ADGRD2: variants seen among roughly 807,000 people sequenced by gnomAD.
The protein encoded by ADGRD2 is adhesion G protein-coupled receptor D2.
A neutral mutation model predicts 44.4 loss-of-function variants in ADGRD2; 71 were observed. The ratio of observed to expected loss-of-function variants is 1.60; its 90% CI spans 1.32 to 1.95. The LOEUF (loss-of-function observed/expected upper bound fraction) is 1.95. ADGRD2 is among the 30% of genes most tolerant of loss of function. ADGRD2 has a pLI of 0.00. For synonymous variants in ADGRD2, 481 were observed against 224.8 expected, an observed-to-expected ratio of 2.14 and a Z score of -10.19; for missense variants, 1,039 against 512.4, an observed-to-expected ratio of 2.03 and a Z score of -9.92.
chr9:124,452,484 C>G (rs765848382), intron 1 of ADGRD2, 26 bp from the exon 5 acceptor site: 1 of 718,328 alleles, frequency 1.4e-6, no homozygotes, highest in Non-Finnish European at 2.6e-6. Context: ...AAATGCACCC[C>G]CCACCGTCTC....
intron 11 of ADGRD2, chr9:124,467,311 AGCCTGGG>A (rs1481051589): frequency 1.3e-5 from 2 of 153,000 alleles, no homozygotes; most frequent in African/African-American, 2.5e-5. Flanking sequence ...CTTGCTCTCC[AGCCTGGG>A]TGACAGACTG....
At chr9:124,453,132 G>C in exon 3 of ADGRD2, 1 of 701,758 alleles carries the variant, frequency 1.4e-6, no homozygotes, top group Non-Finnish European at 2.6e-6. Flanking sequence ...CGCTGACCGC[G>C]TGTACTCACG....
chr9:124,457,465 C>T lies in ADGRD2; in HGVS notation c.1506-7C>T, dbSNP rs1408000441. On this transcript the variant is annotated splice_polypyrimidine_tract_variant and splice_region_variant and intron_variant, in intron 7 of 21. Coordinates refer to ENST00000334810, the Ensembl canonical transcript of ADGRD2. ...AGGTCCAGCCACCCAGCCCCATTTA[C>T]CCCCAGGCCTGGAGGTGCGGAGCTT... The T allele has an allele frequency of 6.6e-6, 4 of 603,528 alleles. No homozygotes were observed. Among genetic ancestry groups the T allele is most frequent in the East Asian group, 2.8e-5 (1 of 35,874 alleles). 37.4% of individuals were successfully genotyped at this position (603,528 alleles called of 1,614,324 possible). A position where few individuals can be genotyped will look rare whatever the true frequency, so the allele number is the denominator to read the frequency against.
chr9:124,472,697 G>A (rs756963192), intron 17 of ADGRD2, among the ~76,000 whole-genome samples: 2 of 152,004 alleles, frequency 1.3e-5, no homozygotes, highest in South Asian at 2.1e-4. Context: ...AGTGGAGACG[G>A]GGGTCTCACC....
intron 10 of ADGRD2, among the ~76,000 whole-genome samples, chr9:124,461,242 G>C (rs1314363565): frequency 6.6e-6 from 1 of 152,122 alleles, no homozygotes; most frequent in African/African-American, 2.4e-5. Flanking sequence ...CTAGTCTGTG[G>C]CTTGCTTTTT....
chr9:124,467,784 T>G (rs1375245287), exon 12 of ADGRD2: 2 of 718,552 alleles, frequency 2.8e-6, no homozygotes, highest in African/African-American at 3.5e-5. Context: ...CGTGTCCTTC[T>G]GCGCCCTCAC....
At chr9:124,458,963 CA>C (rs2131237343) in intron 10 of ADGRD2, among the ~76,000 whole-genome samples, 1 of 152,316 alleles carries the variant, frequency 6.6e-6, no homozygotes, top group East Asian at 1.9e-4. Flanking sequence ...GCACTTCATC[CA>C]AAGCTTGGGA....
At chr9:124,455,273 T>C (rs1359308405) in intron 6 of ADGRD2, 146 bp downstream of exon 9, 1 of 570,434 alleles carries the variant, frequency 1.8e-6, no homozygotes, top group Non-Finnish European at 3.1e-6. Flanking sequence ...TTTTGTCTAT[T>C]TGATAAGTTG....
In ADGRD2 at chr9:124,453,855, C is replaced by G. The variant is rs1204345698; in HGVS notation, c.924-144C>G. 23 of 596,834 alleles carry G rather than the reference C, an allele frequency of 3.9e-5. No individual in the cohort carries two copies. In the East Asian group the frequency reaches 6.3e-4, roughly 16 times the overall value. 37.0% of individuals were successfully genotyped at this position (596,834 alleles called of 1,614,324 possible). ...TCCCAGCAGCCTGGGGGTCTGCGCT[C>G]GTCCCCCGGCCCCCTTACCCCCACC... On this transcript the variant is annotated intron_variant, in intron 3 of 21. Transcript: ENST00000334810.
At chr9:124,471,788 G>A (rs1178488031) in intron 17 of ADGRD2, among the ~76,000 whole-genome samples, 1 of 152,238 alleles carries the variant, frequency 6.6e-6, no homozygotes, top group Non-Finnish European at 1.5e-5. Flanking sequence ...CCAGGCCGCA[G>A]CAGCAGAAGA....
At chr9:124,464,467 T>C (rs934774768) in intron 10 of ADGRD2, among the ~76,000 whole-genome samples, 10 of 152,188 alleles carry the variant, frequency 6.6e-5, no homozygotes, top group African/African-American at 2.4e-4. Flanking sequence ...TCATCTGAAA[T>C]TGCATGAATT....
intron 7 of ADGRD2, among the ~76,000 whole-genome samples, chr9:124,457,216 G>A (rs1002848364): frequency 6.6e-6 from 1 of 152,196 alleles, no homozygotes; most frequent in African/African-American, 2.4e-5. Context: ...TGTCCTTCGG[G>A]TACCCACCAG....
Position 124,454,227 on chromosome 9 carries a change from G to A in ADGRD2, c.1022+130G>A, listed in dbSNP as rs558396532. ...AAACTCAGAGCTTCAAGGTCTCCATGGAGTCTAGGCCACAGAGCAGTGGGT... is the reference window on the plus strand; with the variant it reads ...AAACTCAGAGCTTCAAGGTCTCCATAGAGTCTAGGCCACAGAGCAGTGGGT... On this transcript the variant is annotated intron_variant, in intron 4 of 21. Transcript: ENST00000334810. The surrounding 1 kb of genome is among the most constrained non-coding windows in gnomAD (Gnocchi z 4.5). 88 of 598,404 alleles carry A rather than the reference G, an allele frequency of 1.5e-4. 2 individuals are homozygous for A. Among genetic ancestry groups the A allele is most frequent in the South Asian group, 1.4e-3 (71 of 50,082 alleles). 37.1% of individuals were successfully genotyped at this position (598,404 alleles called of 1,614,324 possible).
intron 19 of ADGRD2, among the ~76,000 whole-genome samples, chr9:124,475,947 C>T (rs2131262995): frequency 6.6e-6 from 1 of 152,328 alleles, no homozygotes; most frequent in East Asian, 1.9e-4. Context: ...CTCTGCAGCC[C>T]TGCGGCTTGA....
chr9:124,474,929 C>G (rs1020019929), intron 17 of ADGRD2, among the ~76,000 whole-genome samples: 2 of 152,220 alleles, frequency 1.3e-5, no homozygotes, highest in African/African-American at 4.8e-5. Flanking sequence ...GAGTCCCTCA[C>G]AGGCAGCACC....
At chr9:124,452,058 G>A (rs368761339), upstream of ADGRD2, 215 of 707,652 alleles carry the variant, frequency 3.0e-4, no homozygotes, top group Non-Finnish European at 4.5e-4. Flanking sequence ...GGGGAGGGTT[G>A]TCCCAGCCCC....
At chr9:124,452,821 G>A (rs1831514692) in intron 2 of ADGRD2, 99 bp downstream of exon 5, 3 of 638,518 alleles carry the variant, frequency 4.7e-6, no homozygotes, top group Non-Finnish European at 8.5e-6. Flanking sequence ...AATGAGCCGG[G>A]AGTAAGACCC....
Position 124,469,588 on chromosome 9 carries a change from G to A in ADGRD2, c.2637+41G>A, listed in dbSNP as rs978558952. ...GGGGGGCCAGCAGGAAGCAGGAAGT[G>A]CACAGTCAGCCGGCGCCAGGCGTGA... On this transcript the variant is annotated intron_variant, in intron 16 of 21. Transcript: ENST00000334810. 20 of 713,494 alleles carry A rather than the reference G, an allele frequency of 2.8e-5. No individual in the cohort carries two copies. In the African/African-American group the frequency reaches 3.1e-4, roughly 11 times the overall value. 44.2% of individuals were successfully genotyped at this position (713,494 alleles called of 1,614,324 possible).
At chr9:124,459,607 G>A (rs932120974) in intron 10 of ADGRD2, among the ~76,000 whole-genome samples, 2 of 152,058 alleles carry the variant, frequency 1.3e-5, no homozygotes, top group African/African-American at 4.8e-5. Context: ...AATAGCATCT[G>A]TACTGAACAT....
Sources: allele counts gnomAD v4.1 joint callset (sites outside exome capture counted in the v4.1 genomes callset), GRCh38; gene constraint gnomAD v4.1.1; non-coding constraint Gnocchi (gnomAD v3.1); transcripts MANE v1.5; gene names NCBI Gene and HGNC (gene_info 2026-07-23, HGNC 2026-07-21).